The following KIF1A variants were observed in gnomAD, a reference collection of about 807,000 sequenced individuals.
KIF1A encodes the protein kinesin family member 1A.
A neutral mutation model predicts 227.3 loss-of-function variants in KIF1A; 46 were observed. That is an observed-to-expected ratio of 0.20 (90% CI 0.16 to 0.26). KIF1A has a LOEUF of 0.26. KIF1A is among the 10% of genes least tolerant of loss of function. KIF1A has a pLI of 1.00. For missense variants in KIF1A, 1,683 were observed against 2,485.9 expected (o/e 0.68, Z 6.87); for synonymous variants, 1,022 against 1,012.8 (o/e 1.01, Z -0.17).
chr2:240,812,502 C>T (rs1372007416), intron 1 of KIF1A, among the ~76,000 whole-genome samples: 3 of 152,092 alleles, frequency 2.0e-5, no homozygotes, highest in Non-Finnish European at 4.4e-5. Context: ...TCTGCCTTCA[C>T]CTTGGGGATC....
At chr2:240,723,942 A>G in intron 41 of KIF1A, 33 bp downstream of exon 41, 1 of 1,592,530 alleles carries the variant, frequency 6.3e-7, no homozygotes, top group East Asian at 2.2e-5. Context: ...GCAGGCCAGG[A>G]ACCCACCCAG....
intron 1 of KIF1A, among the ~76,000 whole-genome samples, chr2:240,816,883 C>G (rs1365705913): frequency 6.6e-6 from 1 of 152,214 alleles, no homozygotes; most frequent in Non-Finnish European, 1.5e-5. Context: ...GCCCTCTGCC[C>G]CACAGCACCC....
chr2:240,769,307 G>A (rs566284765), intron 16 of KIF1A, 99 bp from the exon 17 acceptor site: 15 of 1,034,168 alleles, frequency 1.5e-5, no homozygotes, highest in East Asian at 5.2e-5. Flanking sequence ...TGTGGCCACC[G>A]TGGCCTGGGT....
intron 8 of KIF1A, 60 bp from the exon 9 acceptor site, chr2:240,783,169 G>A: frequency 2.3e-6 from 3 of 1,303,764 alleles, no homozygotes; most frequent in South Asian, 2.4e-5. Context: ...CTCCTGCTCT[G>A]GAGGGATGCC....
At chr2:240,735,615 G>A (rs1009479825) in intron 38 of KIF1A, among the ~76,000 whole-genome samples, 3 of 152,142 alleles carry the variant, frequency 2.0e-5, no homozygotes, top group East Asian at 1.9e-4. Context: ...CCGCCCTTCC[G>A]GGCCCCACCC....
rs768402557 is a variant in KIF1A at position 240,758,323 on chromosome 2, ATC to A, written c.2582+35_2582+36del. 24 of 1,590,820 alleles carry A rather than the reference ATC, an allele frequency of 1.5e-5. No homozygotes were observed. The highest frequency in any genetic ancestry group is 4.6e-5 in the South Asian group (4 of 86,712). On this transcript the variant is annotated intron_variant, in intron 26 of 48. Transcript: ENST00000498729. This position sits in a 1 kb window ranked among gnomAD's most constrained non-coding sequence, Gnocchi z 5.2. ...CCCCCACTGCCATCTCTCTCTCTCA[ATC>A]TCTCTCTCTGCCAAGGAAGGGAGGA...
At chr2:240,812,623 T>TGCCTTCACCTCTGGGTCC (rs2057959075) in intron 1 of KIF1A, among the ~76,000 whole-genome samples, 3 of 144,412 alleles carry the variant, frequency 2.1e-5, no homozygotes, top group Non-Finnish European at 4.6e-5. Context: ...CCTCGGGATC[T>TGCCTTCACCTCTGGGTCC]GCCTTCACCT....
At chr2:240,747,167 G>T in intron 29 of KIF1A, 69 bp downstream of exon 29, 1 of 1,188,802 alleles carries the variant, frequency 8.4e-7, no homozygotes, top group Non-Finnish European at 1.2e-6. Context: ...TGTTAGAGGA[G>T]CAAAGTGCAC....
intron 1 of KIF1A, among the ~76,000 whole-genome samples, chr2:240,807,494 T>G (rs1290900684): frequency 6.6e-6 from 1 of 152,208 alleles, no homozygotes; most frequent in African/African-American, 2.4e-5. Context: ...CCTAATACAA[T>G]GTGAATGCTA....
intron 44 of KIF1A, 92 bp downstream of exon 44, chr2:240,721,715 T>C: frequency 9.6e-7 from 1 of 1,043,048 alleles, no homozygotes; most frequent in Non-Finnish European, 1.4e-6. Flanking sequence ...TAACTGCCTT[T>C]TCCCACTTGG....
chr2:240,796,771 T>TC (rs2056446924), intron 2 of KIF1A, among the ~76,000 whole-genome samples: 1 of 152,058 alleles, frequency 6.6e-6, no homozygotes, highest in Non-Finnish European at 1.5e-5. Flanking sequence ...AGCAGAGCCC[T>TC]CACTTCCATA....
intron 34 of KIF1A, 88 bp downstream of exon 34, chr2:240,742,841 C>T: frequency 8.3e-7 from 1 of 1,201,268 alleles, no homozygotes; most frequent in East Asian, 2.5e-5. Context: ...TCACAGAGGA[C>T]AGCATTCACT....
Position 240,719,206 on chromosome 2 carries a change from C to T in KIF1A, c.5022-8G>A, listed in dbSNP as rs748740581. 6.3e-7 allele frequency: 1 copy of T among 1,595,568 alleles called. No individual in the cohort carries two copies. The highest frequency in any genetic ancestry group is 1.1e-5 in the South Asian group (1 of 89,608). On this transcript the variant is annotated splice_polypyrimidine_tract_variant and splice_region_variant and intron_variant, in intron 46 of 48. Transcript: ENST00000498729. The stretch of plus-strand genomic sequence containing the variant: ...TTCTTGGAAACGATCGGGCTGAAGG[C>T]AGAGAGAGCTGCTCGCTGGGGCCCT...
At chr2:240,800,751 G>A (rs1465026712) in intron 1 of KIF1A, among the ~76,000 whole-genome samples, 1 of 152,210 alleles carries the variant, frequency 6.6e-6, no homozygotes, top group East Asian at 1.9e-4. Context: ...AACCAAAGAG[G>A]AGTCTTGCAC....
At chr2:240,741,620 ACATGGC>A (rs1373424205) in intron 34 of KIF1A, among the ~76,000 whole-genome samples, 1 of 152,224 alleles carries the variant, frequency 6.6e-6, no homozygotes, top group Admixed American at 6.5e-5. Context: ...TAGGAAAGGC[ACATGGC>A]CATGTACACT....
intron 34 of KIF1A, among the ~76,000 whole-genome samples, chr2:240,742,601 C>T (rs1410855854): frequency 3.3e-5 from 5 of 152,132 alleles, no homozygotes; most frequent in African/African-American, 1.2e-4. Flanking sequence ...AAGGAGCGTC[C>T]TAGATTGCCT....
rs548052822 is a variant in KIF1A, at chr2:240,753,684, G to A, written c.2859-3137C>T. Reference sequence around the variant, plus strand: ...GGAGGCAGTGCACCCCCATCTCCTCGCCAGGGCACGTCCTAATAAACAGCC... The same window carrying A: ...GGAGGCAGTGCACCCCCATCTCCTCACCAGGGCACGTCCTAATAAACAGCC... On this transcript the variant is annotated intron_variant, in intron 27 of 48. Transcript: ENST00000498729. Among the ~76,000 whole-genome samples the A allele has an allele frequency of 6.6e-5, 10 of 152,206 alleles. No individual in the cohort carries two copies. In the East Asian group the frequency reaches 1.2e-3, roughly 18 times the overall value.
intron 10 of KIF1A, among the ~76,000 whole-genome samples, chr2:240,781,573 CACG>C (rs138212083): frequency 0.033 from 5,005 of 152,266 alleles, 129 homozygotes; most frequent in Middle Eastern, 0.099. Flanking sequence ...GCTTCCTCCC[CACG>C]CCGCCCACGC....
rs1029634995 is a variant in KIF1A, at chr2:240,775,122, G to T, written c.958+729C>A. Among the ~76,000 whole-genome samples the T allele has an allele frequency of 1.3e-5, 2 of 152,232 alleles. No individual in the cohort carries two copies. The highest frequency in any genetic ancestry group is 2.4e-5 in the African/African-American group (1 of 41,460). ...CACACTCTCCTCCTCTCTCAGCGGGGCCCATCCATCCGCAGGCCTGCTGCG... is the reference window on the plus strand; with the variant it reads ...CACACTCTCCTCCTCTCTCAGCGGGTCCCATCCATCCGCAGGCCTGCTGCG... On this transcript the variant is annotated intron_variant, in intron 11 of 48. Transcript: ENST00000498729. This position sits in a 1 kb window ranked among gnomAD's most constrained non-coding sequence, Gnocchi z 5.5.
Sources: gnomAD v4.1 joint callset for allele counts (sites outside exome capture counted in the v4.1 genomes callset) on GRCh38, gnomAD v4.1.1 for gene constraint, Gnocchi (gnomAD v3.1) non-coding constraint, MANE v1.5 for transcripts, NCBI Gene and HGNC (gene_info 2026-07-23, HGNC 2026-07-21) for gene names.